NELL1: variants seen among roughly 807,000 people sequenced by gnomAD.
The protein encoded by NELL1 is neural EGFL like 1.
Under a neutral mutation model 107.4 loss-of-function variants are expected in NELL1, and 76 were observed. The ratio of observed to expected loss-of-function variants is 0.71; its 90% CI spans 0.59 to 0.86. NELL1 has a LOEUF of 0.86. Among genes scored for constraint, NELL1 ranks in the 40% least tolerant of loss-of-function variants. The pLI is 0.00. For missense variants in NELL1, 1,024 were observed against 1,005.5 expected (o/e 1.02, Z -0.25); for synonymous variants, 353 against 341.2 (o/e 1.03, Z -0.38).
intron 5 of NELL1, among the ~76,000 whole-genome samples, chr11:20,895,094 A>G (rs1354141600): frequency 7.0e-6 from 1 of 143,494 alleles, no homozygotes; most frequent in Non-Finnish European, 1.5e-5. Flanking sequence ...AAACGGTGAA[A>G]CCCCGTCTCT....
chr11:20,903,498 A>G (rs1384875363), intron 5 of NELL1, among the ~76,000 whole-genome samples: 1 of 152,024 alleles, frequency 6.6e-6, no homozygotes, highest in Admixed American at 6.6e-5. Context: ...CAACCTTCTT[A>G]TTGGTTTTGA....
intron 15 of NELL1, among the ~76,000 whole-genome samples, chr11:21,380,027 G>A (rs898375856): frequency 6.6e-6 from 1 of 152,100 alleles, no homozygotes; most frequent in Non-Finnish European, 1.5e-5. Context: ...TCACAGGACT[G>A]TGGCAAGGGC....
rs111569466 is a variant in NELL1 at position 21,168,251 on chromosome 11, A to G, written c.1426+54537A>G. Among the ~76,000 whole-genome samples the G allele has an allele frequency of 5.2e-3, 792 of 151,970 alleles. 25 individuals are homozygous for G. The highest frequency in any genetic ancestry group is 0.017 in the African/African-American group (702 of 41,248). ...TTTCTGCCTTAACAACCCAGGTGAC[A>G]TGGAATTTACTATCTCCTCCAGGCA... On this transcript the variant is annotated intron_variant, in intron 13 of 19. Transcript: ENST00000357134.
chr11:21,258,927 G>A (rs892860351), intron 14 of NELL1, among the ~76,000 whole-genome samples: 1 of 151,886 alleles, frequency 6.6e-6, no homozygotes, highest in African/African-American at 2.4e-5. Context: ...AGCAAGAGTT[G>A]GATCCAAGCT....
chr11:20,755,544 T>TTTTTTG (rs1233240414), intron 2 of NELL1, among the ~76,000 whole-genome samples: 4 of 41,504 alleles, frequency 9.6e-5, no homozygotes, highest in Non-Finnish European at 2.1e-4. Context: ...GTTTTTGTTT[T>TTTTTTG]TTTTTGTTTT....
chr11:21,241,466 G>A (rs771140600), intron 14 of NELL1, among the ~76,000 whole-genome samples: 1 of 152,146 alleles, frequency 6.6e-6, no homozygotes, highest in Non-Finnish European at 1.5e-5. Flanking sequence ...GTTATGTTAT[G>A]TAAACTAGCT....
At chr11:20,904,327 GAC>G (rs1849945189) in intron 5 of NELL1, among the ~76,000 whole-genome samples, 1 of 152,016 alleles carries the variant, frequency 6.6e-6, no homozygotes, top group African/African-American at 2.4e-5. Flanking sequence ...TGTTTGAAGT[GAC>G]AGTTATCCCA....
intron 13 of NELL1, among the ~76,000 whole-genome samples, chr11:21,193,328 C>T (rs1857085655): frequency 1.3e-5 from 2 of 151,666 alleles, no homozygotes; most frequent in South Asian, 2.1e-4. Flanking sequence ...ATAAAGCACG[C>T]AAGAACCTCC....
At chr11:21,008,324 T>C (rs1381852715) in intron 12 of NELL1, among the ~76,000 whole-genome samples, 3 of 152,144 alleles carry the variant, frequency 2.0e-5, no homozygotes, top group Non-Finnish European at 4.4e-5. Flanking sequence ...AAGGCTAAAT[T>C]GATGCTAATT....
At chr11:21,078,650 A>G (rs1283291755) in intron 12 of NELL1, among the ~76,000 whole-genome samples, 1 of 152,136 alleles carries the variant, frequency 6.6e-6, no homozygotes, top group African/African-American at 2.4e-5. Context: ...ACATACACAC[A>G]GAGATACACA....
intron 14 of NELL1, among the ~76,000 whole-genome samples, chr11:21,282,822 C>A (rs1027157701): frequency 6.6e-6 from 1 of 151,866 alleles, no homozygotes; most frequent in African/African-American, 2.4e-5. Context: ...TACTTATACA[C>A]AATGGAGTAC....
chr11:21,259,657 G>A (rs914145600), intron 14 of NELL1, among the ~76,000 whole-genome samples: 5 of 151,766 alleles, frequency 3.3e-5, no homozygotes, highest in African/African-American at 1.2e-4. Context: ...TGCTTACACT[G>A]GTGTTTTACA....
chr11:21,521,114 C>T (rs1855715346), intron 15 of NELL1, among the ~76,000 whole-genome samples: 1 of 152,192 alleles, frequency 6.6e-6, no homozygotes, highest in African/African-American at 2.4e-5. Context: ...ACTTTTCTCT[C>T]TTTTGAATGT....
rs186772035 is a variant in NELL1, at chr11:21,171,549, C to T, written c.1427-57783C>T. 2.8e-3 allele frequency among the ~76,000 whole-genome samples: 418 copies of T among 151,810 alleles called. 15 individuals are homozygous for T. Among genetic ancestry groups the T allele is most frequent in the African/African-American group, 9.2e-3 (379 of 41,176 alleles). On this transcript the variant is annotated intron_variant, in intron 13 of 19. Transcript: ENST00000357134. ...ATACCATATGGATTTTCTCTATTTTCGGATATTTATATAAGCTGCTTACAA... is the reference window on the plus strand; with the variant it reads ...ATACCATATGGATTTTCTCTATTTTTGGATATTTATATAAGCTGCTTACAA...
intron 14 of NELL1, among the ~76,000 whole-genome samples, chr11:21,320,537 C>T (rs1849986114): frequency 6.6e-6 from 1 of 152,184 alleles, no homozygotes; most frequent in Admixed American, 6.6e-5. Flanking sequence ...CTTGTCCTCA[C>T]AATGCCCCTG....
chr11:20,860,981 T>C (rs1310114187), intron 4 of NELL1, among the ~76,000 whole-genome samples: 1 of 152,168 alleles, frequency 6.6e-6, no homozygotes, highest in Non-Finnish European at 1.5e-5. Context: ...ATCTGTTTCA[T>C]AAAATTTGAA....
chr11:20,752,249 T>C (rs1490767637), intron 2 of NELL1, among the ~76,000 whole-genome samples: 1 of 152,132 alleles, frequency 6.6e-6, no homozygotes, highest in African/African-American at 2.4e-5. Flanking sequence ...TGCTGAGAGA[T>C]TTAAAAAATA....
intron 15 of NELL1, among the ~76,000 whole-genome samples, chr11:21,448,176 T>C (rs899390590): frequency 6.6e-6 from 1 of 152,218 alleles, no homozygotes; most frequent in Non-Finnish European, 1.5e-5. Context: ...ATTTCTCACT[T>C]GCTTTTTGGT....
chr11:21,441,330 C>CTTGTGTGTGTGTGT (rs1309300543), intron 15 of NELL1, among the ~76,000 whole-genome samples: 1 of 140,150 alleles, frequency 7.1e-6, no homozygotes, highest in African/African-American at 2.5e-5. Flanking sequence ...GAGGCTGTGA[C>CTTGTGTGTGTGTGT]GTGTGTGTGT....
Sources: allele counts gnomAD v4.1 joint callset (sites outside exome capture counted in the v4.1 genomes callset), GRCh38; gene constraint gnomAD v4.1.1; transcripts MANE v1.5; gene names NCBI Gene and HGNC (gene_info 2026-07-23, HGNC 2026-07-21).